The following ARHGAP32 variants were observed in gnomAD, a reference collection of about 807,000 sequenced individuals.
The protein encoded by ARHGAP32 is rho GTPase-activating protein 32.
Under a neutral mutation model 186.5 loss-of-function variants are expected in ARHGAP32, and 51 were observed. The observed-to-expected ratio is 0.27, with a 90% CI of 0.22 to 0.35. The LOEUF is 0.35. Among genes scored for constraint, ARHGAP32 ranks in the 10% least tolerant of loss-of-function variants. ARHGAP32 has a pLI of 1.00. For synonymous variants in ARHGAP32, 950 were observed against 964.3 expected (o/e 0.99, Z 0.27); for missense variants, 2,186 against 2,623.5 (o/e 0.83, Z 3.64).
intron 1 of ARHGAP32, among the ~76,000 whole-genome samples, chr11:129,223,135 A>C (rs1173240449): frequency 6.6e-6 from 1 of 152,158 alleles, no homozygotes; most frequent in Non-Finnish European, 1.5e-5. Flanking sequence ...CTTCATACTA[A>C]GTCTTTGAAC....
chr11:129,045,031 G>T (rs781153592), intron 10 of ARHGAP32, among the ~76,000 whole-genome samples: 11 of 152,110 alleles, frequency 7.2e-5, no homozygotes, highest in Non-Finnish European at 1.2e-4. Context: ...AGGTATATGG[G>T]GAAATGCCAC....
intron 1 of ARHGAP32, among the ~76,000 whole-genome samples, chr11:129,278,989 C>CG (rs1266196603): frequency 1.4e-5 from 2 of 145,796 alleles, no homozygotes; most frequent in South Asian, 2.1e-4. Flanking sequence ...GGGCCGGGGG[C>CG]GGGGGGACAA....
chr11:129,059,648 C>T (rs140357923), intron 10 of ARHGAP32, among the ~76,000 whole-genome samples: 345 of 151,848 alleles, frequency 2.3e-3, no homozygotes, highest in African/African-American at 8.2e-3. Flanking sequence ...TACAAACATG[C>T]GCCACCAAGC....
chr11:129,231,643 A>T (rs1944860198), intron 1 of ARHGAP32, among the ~76,000 whole-genome samples: 1 of 152,144 alleles, frequency 6.6e-6, no homozygotes, highest in Non-Finnish European at 1.5e-5. Flanking sequence ...AAAGTAGTAC[A>T]CCTAATGGGA....
chr11:128,998,614 G>C (rs922303378), intron 11 of ARHGAP32, 146 bp from the exon 12 acceptor site: 3 of 539,122 alleles, frequency 5.6e-6, no homozygotes, highest in Admixed American at 8.4e-5. Flanking sequence ...GTCAGTACAA[G>C]TTTAAGCTAA....
Position 128,969,144 on chromosome 11 carries a change from T to A in ARHGAP32, c.6069A>T (p.Pro2023=), listed in dbSNP as rs1476490166. The stretch of plus-strand genomic sequence containing the variant: ...TCACACTGCTCTGGCGCTTGCCGTG[T>A]GGTTGGTACTGGTACAGCACACTGG... ...RDPSVLYQYQ[P]HGKRQSSVTV... Residue 2023 remains proline, a synonymous_variant, in exon 23 of 23, where the codon CCA becomes CCT. Coordinates refer to ENST00000682385, the MANE Select transcript of ARHGAP32 (RefSeq NM_001378024.1). The surrounding 1 kb of genome is among the most constrained non-coding windows in gnomAD (Gnocchi z 4.8). 1 of 1,607,886 alleles carries A rather than the reference T, an allele frequency of 6.2e-7. No individual in the cohort carries two copies. The highest frequency in any genetic ancestry group is 8.5e-7 in the Non-Finnish European group (1 of 1,175,606).
At chr11:129,260,064 C>A (rs754830333) in intron 1 of ARHGAP32, among the ~76,000 whole-genome samples, 3 of 152,176 alleles carry the variant, frequency 2.0e-5, no homozygotes, top group Non-Finnish European at 4.4e-5. Flanking sequence ...TAGTTACAAA[C>A]AAACTTTTGT....
At chr11:129,026,801 GA>G (rs71057920) in intron 11 of ARHGAP32, among the ~76,000 whole-genome samples, 26 of 109,346 alleles carry the variant, frequency 2.4e-4, no homozygotes, top group East Asian at 1.6e-3. Flanking sequence ...CTCCATCTTG[GA>G]AAAAAAAAAA....
chr11:129,113,606 T>C (rs576496195), intron 5 of ARHGAP32, among the ~76,000 whole-genome samples: 1 of 152,112 alleles, frequency 6.6e-6, no homozygotes, highest in Non-Finnish European at 1.5e-5. Context: ...CTGCAAGTTT[T>C]TTCAAATTGC....
chr11:129,035,173 C>CCTCTCTCTCTCTCT (rs71057921), intron 11 of ARHGAP32, among the ~76,000 whole-genome samples: 5 of 148,626 alleles, frequency 3.4e-5, no homozygotes, highest in Admixed American at 6.7e-5. Context: ...TGTTTCCTCT[C>CCTCTCTCTCTCTCT]CTCTCTCTCT....
At chr11:129,040,253 G>C (rs1363920773) in intron 11 of ARHGAP32, among the ~76,000 whole-genome samples, 1 of 152,060 alleles carries the variant, frequency 6.6e-6, no homozygotes, top group African/African-American at 2.4e-5. Context: ...GGAAAGGACA[G>C]AAGAAATGTA....
chr11:129,172,745 A>G (rs1368931977), intron 1 of ARHGAP32, among the ~76,000 whole-genome samples: 1 of 152,208 alleles, frequency 6.6e-6, no homozygotes. Context: ...TTTGAAACAA[A>G]TGAGAACAAA....
chr11:129,210,699 A>G (rs1217423924), intron 1 of ARHGAP32, among the ~76,000 whole-genome samples: 1 of 152,192 alleles, frequency 6.6e-6, no homozygotes, highest in African/African-American at 2.4e-5. Flanking sequence ...GACTTCAGAG[A>G]TTATGCAATT....
In ARHGAP32 at chr11:129,164,379, C is replaced by T. The variant is rs1943591592; in HGVS notation, c.165G>A (p.Glu55=). 1 of 1,581,842 alleles carries T rather than the reference C, an allele frequency of 6.3e-7. No individual in the cohort carries two copies. The highest frequency in any genetic ancestry group is 8.6e-7 in the Non-Finnish European group (1 of 1,162,480). The stretch of plus-strand genomic sequence containing the variant: ...CTCGAGGGTGTACATTTCTATGTAG[C>T]TCTGGAACAAAATCATCTTCTTCAG... The part of the protein sequence containing the change: ...VHSEEDDFVP[E]LHRNVHPRER... The change falls in exon 2 of 23, where the codon GAG becomes GAA. Residue 55 remains glutamate, a synonymous_variant. Transcript: ENST00000682385.
intron 11 of ARHGAP32, among the ~76,000 whole-genome samples, chr11:129,036,796 A>AAT (rs1490280017): frequency 1.2e-4 from 18 of 152,332 alleles, no homozygotes; most frequent in African/African-American, 3.8e-4. Flanking sequence ...GATTTCCCCT[A>AAT]AAATCAGGAA....
At chr11:129,027,117 T>C (rs1938892559) in intron 11 of ARHGAP32, among the ~76,000 whole-genome samples, 1 of 141,090 alleles carries the variant, frequency 7.1e-6, no homozygotes, top group African/African-American at 2.6e-5. Flanking sequence ...AAAAAAAAAA[T>C]TACCTGGATG....
intron 20 of ARHGAP32, 74 bp downstream of exon 20, chr11:128,976,488 TA>T: frequency 8.2e-7 from 1 of 1,221,086 alleles, no homozygotes; most frequent in Non-Finnish European, 1.2e-6. Flanking sequence ...CACAGATATA[TA>T]AAAATATACT....
At chr11:129,067,992 T>G (rs1464365735) in intron 6 of ARHGAP32, among the ~76,000 whole-genome samples, 1 of 152,062 alleles carries the variant, frequency 6.6e-6, no homozygotes, top group African/African-American at 2.4e-5. Context: ...TGGTCAAGAC[T>G]TCTACACTTG....
At chr11:129,103,843 T>G (rs564931408) in intron 5 of ARHGAP32, among the ~76,000 whole-genome samples, 2 of 152,052 alleles carry the variant, frequency 1.3e-5, no homozygotes, top group African/African-American at 4.8e-5. Flanking sequence ...AAAAATAATC[T>G]GAAAGAATCT....
Sources: gnomAD v4.1 joint callset for allele counts (sites outside exome capture counted in the v4.1 genomes callset) on GRCh38, gnomAD v4.1.1 for gene constraint, Gnocchi (gnomAD v3.1) non-coding constraint, MANE v1.5 for transcripts, NCBI Gene and HGNC (gene_info 2026-07-23, HGNC 2026-07-21) for gene names.